FER1L5: variants seen among roughly 807,000 people sequenced by gnomAD.
FER1L5 encodes the protein fer-1 like family member 5, also known as fer-1-like protein 5.
Under a neutral mutation model 279.9 loss-of-function variants are expected in FER1L5, and 187 were observed. That is an observed-to-expected ratio of 0.67 (90% CI 0.59 to 0.75). The LOEUF (loss-of-function observed/expected upper bound fraction) is 0.75. Ranked by LOEUF, FER1L5 falls within the 30% of genes least tolerant of loss-of-function variation. The pLI is 0.00. For synonymous variants in FER1L5, 921 were observed against 989.7 expected, an observed-to-expected ratio of 0.93 and a Z score of 1.30; for missense variants, 2,091 against 2,594.4, an observed-to-expected ratio of 0.81 and a Z score of 4.21.
At chr2:96,650,613 T>C (rs1276738286) in intron 6 of FER1L5, among the ~76,000 whole-genome samples, 2 of 152,094 alleles carry the variant, frequency 1.3e-5, no homozygotes, top group Non-Finnish European at 2.9e-5. Flanking sequence ...CAAAACAAAG[T>C]GGGGCACAGG....
chr2:96,695,217 G>A, intron 34 of FER1L5: 1 of 373,306 alleles, frequency 2.7e-6, no homozygotes, highest in Non-Finnish European at 4.8e-6. Context: ...GTGAGGAGGG[G>A]CAATGCCTGC....
intron 19 of FER1L5, among the ~76,000 whole-genome samples, chr2:96,682,415 T>G (rs986544781): frequency 1.3e-5 from 2 of 152,220 alleles, no homozygotes; most frequent in Non-Finnish European, 1.5e-5. Context: ...AGAGATATTT[T>G]GGCTGTTTCC....
Position 96,689,531 on chromosome 2 carries a change from C to A in FER1L5, c.2526-113C>A. 7.0e-7 allele frequency: 1 copy of A among 1,432,012 alleles called. No individual in the cohort carries two copies. The highest frequency in any genetic ancestry group is 9.6e-7 in the Non-Finnish European group (1 of 1,042,014). 88.7% of individuals were successfully genotyped at this position (1,432,012 alleles called of 1,614,324 possible). On this transcript the variant is annotated intron_variant, in intron 25 of 52. Transcript: ENST00000624922. This position sits in a 1 kb window ranked among gnomAD's most constrained non-coding sequence, Gnocchi z 4.6. ...GGGCCCTGCCCACCACCCTGTCCTGCCCAGAGCAGGTGGGGATGGGATGCC... is the reference window on the plus strand; with the variant it reads ...GGGCCCTGCCCACCACCCTGTCCTGACCAGAGCAGGTGGGGATGGGATGCC...
At chr2:96,656,042 G>A (rs2075585846) in intron 9 of FER1L5, among the ~76,000 whole-genome samples, 1 of 151,696 alleles carries the variant, frequency 6.6e-6, no homozygotes, top group African/African-American at 2.4e-5. Context: ...TTTTTATTTT[G>A]GTATCATGAA....
chr2:96,678,780 T>C (rs1312757019), intron 19 of FER1L5, among the ~76,000 whole-genome samples: 1 of 152,226 alleles, frequency 6.6e-6, no homozygotes, highest in Non-Finnish European at 1.5e-5. Context: ...TCTTTAGTGA[T>C]ATGTCTATTC....
At position 96,671,106 on chromosome 2, in the gene FER1L5, C is replaced by CAAAAAAAA. The variant is rs750341048; in HGVS notation, c.1491+874_1491+881dup. On this transcript the variant is annotated intron_variant, in intron 18 of 52. Coordinates refer to ENST00000624922, the MANE Select transcript of FER1L5 (RefSeq NM_001293083.2). Reference sequence around the variant, plus strand: ...TGGGTGACAGAGTGAGACTCCATCTCAAAAAAAAAAAAAAAAAAAAAAGGA... The same window carrying CAAAAAAAA: ...TGGGTGACAGAGTGAGACTCCATCTCAAAAAAAAAAAAAAAAAAAAAAAAAAAAAAGGA... Among the ~76,000 whole-genome samples, 27 of 40,220 alleles carry CAAAAAAAA rather than the reference C, an allele frequency of 6.7e-4. 5 individuals are homozygous for CAAAAAAAA. Among genetic ancestry groups the CAAAAAAAA allele is most frequent in the African/African-American group, 2.4e-3 (18 of 7,536 alleles). The allele number at this position is 40,220 out of a possible 152,430, so 26.4% of individuals were successfully genotyped here. A position where few individuals can be genotyped will look rare whatever the true frequency, so the allele number is the denominator to read the frequency against.
chr2:96,701,622 A>G (rs2077588401), intron 45 of FER1L5, among the ~76,000 whole-genome samples: 1 of 152,000 alleles, frequency 6.6e-6, no homozygotes, highest in Admixed American at 6.6e-5. Flanking sequence ...ATGATGCCCC[A>G]ACTCCGATCT....
At chr2:96,649,297 G>A (rs981822999) in intron 4 of FER1L5, among the ~76,000 whole-genome samples, 20 of 152,210 alleles carry the variant, frequency 1.3e-4, no homozygotes, top group African/African-American at 4.8e-4. Context: ...TAGGGGAAGA[G>A]CTGCTAGCAT....
In FER1L5 at chr2:96,698,143, T is replaced by C. The variant is rs374045593; in HGVS notation, c.4343T>C (p.Val1448Ala). Residue 1448 changes from valine to alanine, a missense_variant, in exon 40 of 53, where the codon GTA (valine) becomes GCA (alanine). Val to Ala is a moderately conservative substitution (Grantham distance 64). Coordinates refer to ENST00000624922, the MANE Select transcript of FER1L5 (RefSeq NM_001293083.2). This position sits in a 1 kb window ranked among gnomAD's most constrained non-coding sequence, Gnocchi z 5.5. ...CAGCCCAAGTTGGACAGCCCCGTGG[T>C]AGGGGAGTTCAAGGTGTGTGTCCAC... is the stretch of plus-strand genomic sequence containing the variant. ...QEQPKLDSPVVGEFKGLFRIY... is the reference protein window; with the variant it reads ...QEQPKLDSPVAGEFKGLFRIY... 5 of 1,565,464 alleles carry C rather than the reference T, an allele frequency of 3.2e-6. No homozygotes were observed. In the African/African-American group the frequency reaches 4.1e-5, roughly 13 times the overall value.
intron 9 of FER1L5, among the ~76,000 whole-genome samples, chr2:96,659,358 C>CTTCCTTCTTTCT (rs2075779911): frequency 8.2e-5 from 5 of 60,608 alleles, no homozygotes; most frequent in Admixed American, 2.9e-4. Context: ...TCCTTCCTTC[C>CTTCCTTCTTTCT]TTCCTTCTTT....
intron 2 of FER1L5, 148 bp downstream of exon 2, chr2:96,646,601 T>A: frequency 1.2e-6 from 1 of 806,898 alleles, no homozygotes; most frequent in Non-Finnish European, 2.0e-6. Context: ...GGCCTGGGAG[T>A]AGCAGCCTCT....
chr2:96,684,478 G>A, intron 20 of FER1L5, 27 bp downstream of exon 20: 1 of 1,545,120 alleles, frequency 6.5e-7, no homozygotes, highest in Non-Finnish European at 8.8e-7. Flanking sequence ...CCGATGCTGG[G>A]AAGACACCTG....
At position 96,679,404 on chromosome 2, in the gene FER1L5, A is replaced by G. The variant is rs1264945826; in HGVS notation, c.1670-4923A>G. 4.6e-5 allele frequency among the ~76,000 whole-genome samples: 7 copies of G among 152,138 alleles called. 1 individual carries two copies. The South Asian group carries it at 1.2e-3, about 27-fold the overall frequency. On this transcript the variant is annotated intron_variant, in intron 19 of 52. Coordinates refer to ENST00000624922, the MANE Select transcript of FER1L5 (RefSeq NM_001293083.2). ...ACGCCCAGCTAATTTTTCTATTTTT[A>G]GTAGAGACGGGGTTTCACCATGTTG...
chr2:96,691,410 G>A lies in FER1L5; in HGVS notation c.2908-35G>A. On this transcript the variant is annotated intron_variant, in intron 28 of 52. Transcript: ENST00000624922. The surrounding 1 kb of genome is among the most constrained non-coding windows in gnomAD (Gnocchi z 6.0). ...TGCGGGCAGGGCCGCCTTGGCTGCTGCAGGAACACAACCCTGCTCTCCTCC... is the reference window on the plus strand; with the variant it reads ...TGCGGGCAGGGCCGCCTTGGCTGCTACAGGAACACAACCCTGCTCTCCTCC... 6.5e-7 allele frequency: 1 copy of A among 1,535,152 alleles called. No homozygotes were observed. Among genetic ancestry groups the A allele is most frequent in the Non-Finnish European group, 8.8e-7 (1 of 1,136,564 alleles).
Position 96,694,759 on chromosome 2 carries a change from A to G in FER1L5, c.3741+295A>G. 3.7e-6 allele frequency: 1 copy of G among 272,404 alleles called. No individual in the cohort carries two copies. The highest frequency in any genetic ancestry group is 1.5e-4 in the South Asian group (1 of 6,712). 16.9% of individuals were successfully genotyped at this position (272,404 alleles called of 1,614,324 possible). On this transcript the variant is annotated intron_variant, in intron 34 of 52. Coordinates refer to ENST00000624922, the MANE Select transcript of FER1L5 (RefSeq NM_001293083.2). The surrounding 1 kb of genome is among the most constrained non-coding windows in gnomAD (Gnocchi z 4.6). The stretch of plus-strand genomic sequence containing the variant: ...TAGCAACTACTTTGCAGAGAAGGAA[A>G]TAGAGGCTCCAAGAGATAACACATT...
Position 96,697,542 on chromosome 2 carries a change from A to G in FER1L5, c.4100A>G (p.Tyr1367Cys). 6.2e-7 allele frequency: 1 copy of G among 1,613,604 alleles called. No individual in the cohort carries two copies. Among genetic ancestry groups the G allele is most frequent in the Non-Finnish European group, 8.5e-7 (1 of 1,179,758 alleles). The change falls in exon 38 of 53, where the codon TAC becomes TGC. Residue 1367 changes from tyrosine (Y) to cysteine (C), a missense_variant. Coordinates refer to ENST00000624922, the MANE Select transcript of FER1L5 (RefSeq NM_001293083.2). ...KKHQDFLGYL[Y>C]RKFWFKSSKA... Reference sequence around the variant, plus strand: ...CTTTTTCAGTTCCTAGGCTACCTCTACAGAAAGTTCTGGTTCAAGTCCAGT... The same window carrying G: ...CTTTTTCAGTTCCTAGGCTACCTCTGCAGAAAGTTCTGGTTCAAGTCCAGT...
Position 96,646,973 on chromosome 2 carries a change from C to T in FER1L5, c.139-91C>T. On this transcript the variant is annotated intron_variant, in intron 2 of 52. Transcript: ENST00000624922. ...TCCTCAGTCTTAGAGAAATGCAGTGCCAGCCCGTTCCCCACGTCTTTCCTC... is the reference window on the plus strand; with the variant it reads ...TCCTCAGTCTTAGAGAAATGCAGTGTCAGCCCGTTCCCCACGTCTTTCCTC... 2.3e-6 allele frequency: 3 copies of T among 1,322,184 alleles called. No homozygotes were observed. In the South Asian group the frequency reaches 4.1e-5, roughly 18 times the overall value. The allele number at this position is 1,322,184 out of a possible 1,614,324, so 81.9% of individuals were successfully genotyped here.
At chr2:96,699,853 C>T in intron 43 of FER1L5, 79 bp from the exon 44 acceptor site, 1 of 1,584,402 alleles carries the variant, frequency 6.3e-7, no homozygotes. Context: ...CAAGCTTCCA[C>T]CCGTGGTCAA....
rs1390103539 is a variant in FER1L5, at chr2:96,651,908, T to C, written c.521T>C (p.Phe174Ser). 2 of 1,551,964 alleles carry C rather than the reference T, an allele frequency of 1.3e-6. No homozygotes were observed. The highest frequency in any genetic ancestry group is 1.7e-6 in the Non-Finnish European group (2 of 1,147,078). The change falls in exon 7 of 53, where the codon TTT becomes TCT. Residue 174 changes from phenylalanine to serine, a missense_variant. Coordinates refer to ENST00000624922, the MANE Select transcript of FER1L5 (RefSeq NM_001293083.2). ...PQHFQVRVKV[F>S]EARQLMGNNI... ...CGCCCTTAGGTTCGAGTGAAGGTGTTTGAAGCCCGACAGCTCATGGGCAAC... is the reference window on the plus strand; with the variant it reads ...CGCCCTTAGGTTCGAGTGAAGGTGTCTGAAGCCCGACAGCTCATGGGCAAC...
Sources: gnomAD v4.1 joint callset for allele counts (sites outside exome capture counted in the v4.1 genomes callset) on GRCh38, gnomAD v4.1.1 for gene constraint, Gnocchi (gnomAD v3.1) non-coding constraint, MANE v1.5 for transcripts, NCBI Gene and HGNC (gene_info 2026-07-23, HGNC 2026-07-21) for gene names.